ADAMTSL1: variants seen among roughly 807,000 people sequenced by gnomAD.
The protein encoded by ADAMTSL1 is ADAMTS-like protein 1.
In ADAMTSL1, 126 loss-of-function variants were observed where a neutral mutation model predicts 201.8. The ratio of observed to expected loss-of-function variants is 0.62; its 90% CI spans 0.54 to 0.72. The LOEUF (loss-of-function observed/expected upper bound fraction) is 0.72. Ranked by LOEUF, ADAMTSL1 falls within the 30% of genes least tolerant of loss-of-function variation. The pLI is 0.00. For missense variants in ADAMTSL1, 2,679 were observed against 2,277.8 expected, an observed-to-expected ratio of 1.18 and a Z score of -3.59; for synonymous variants, 1,121 against 903.4, an observed-to-expected ratio of 1.24 and a Z score of -4.32.
intron 2 of ADAMTSL1, among the ~76,000 whole-genome samples, chr9:18,421,909 A>C (rs1818970232): frequency 6.6e-6 from 1 of 152,240 alleles, no homozygotes; most frequent in African/African-American, 2.4e-5. Context: ...GGATTTAAGA[A>C]TGTAATATTT....
At chr9:17,930,981 A>G (rs766902962) in intron 1 of ADAMTSL1, among the ~76,000 whole-genome samples, 1 of 152,202 alleles carries the variant, frequency 6.6e-6, no homozygotes, top group Non-Finnish European at 1.5e-5. Flanking sequence ...CTTTCAACCA[A>G]TGTGCTATTT....
intron 3 of ADAMTSL1, among the ~76,000 whole-genome samples, chr9:18,562,772 C>A (rs1288771878): frequency 2.6e-5 from 4 of 152,194 alleles, no homozygotes; most frequent in Non-Finnish European, 2.9e-5. Flanking sequence ...AGATGATCTT[C>A]AATCTTTGAT....
chr9:18,313,219 T>C (rs931725241), intron 2 of ADAMTSL1, among the ~76,000 whole-genome samples: 2 of 152,192 alleles, frequency 1.3e-5, no homozygotes, highest in African/African-American at 4.8e-5. Flanking sequence ...CTGTTCGTCC[T>C]CCAGACAACT....
chr9:18,267,283 G>A (rs1832156254), intron 2 of ADAMTSL1, among the ~76,000 whole-genome samples: 1 of 152,110 alleles, frequency 6.6e-6, no homozygotes. Context: ...TTCATAGTAT[G>A]AGTATCAGCC....
chr9:18,699,933 C>G (rs1831823694), intron 13 of ADAMTSL1, among the ~76,000 whole-genome samples: 1 of 152,122 alleles, frequency 6.6e-6, no homozygotes, highest in Non-Finnish European at 1.5e-5. Context: ...AAAAATTTTG[C>G]TTAGAGACCT....
chr9:18,840,643 T>C (rs925778397), intron 23 of ADAMTSL1, among the ~76,000 whole-genome samples: 2 of 152,204 alleles, frequency 1.3e-5, no homozygotes, highest in African/African-American at 2.4e-5. Flanking sequence ...GACATTTTCA[T>C]GATATTGATT....
intron 1 of ADAMTSL1, among the ~76,000 whole-genome samples, chr9:17,934,390 G>A (rs1826918545): frequency 6.6e-6 from 1 of 152,010 alleles, no homozygotes; most frequent in Non-Finnish European, 1.5e-5. Context: ...TTCCCTCCTT[G>A]GCTAGCTAAA....
chr9:17,967,456 A>G (rs1031190826), intron 1 of ADAMTSL1, among the ~76,000 whole-genome samples: 5 of 152,156 alleles, frequency 3.3e-5, no homozygotes, highest in African/African-American at 1.2e-4. Context: ...TAGTAATACC[A>G]GCTAACATTC....
chr9:18,489,733 C>CT (rs1563992133), intron 1 of ADAMTSL1, among the ~76,000 whole-genome samples: 1 of 152,020 alleles, frequency 6.6e-6, no homozygotes, highest in Non-Finnish European at 1.5e-5. Flanking sequence ...GGTCATATTT[C>CT]CCACTGCTCT....
chr9:18,349,625 C>A (rs1835875559), intron 2 of ADAMTSL1, among the ~76,000 whole-genome samples: 1 of 152,088 alleles, frequency 6.6e-6, no homozygotes, highest in African/African-American at 2.4e-5. Flanking sequence ...TATTTGGTAT[C>A]CTTTTCTAGT....
At chr9:18,349,581 C>T (rs926727673) in intron 2 of ADAMTSL1, among the ~76,000 whole-genome samples, 3 of 152,152 alleles carry the variant, frequency 2.0e-5, no homozygotes, top group African/African-American at 2.4e-5. Flanking sequence ...GCATATAAAA[C>T]GGCCCCAGAG....
intron 1 of ADAMTSL1, among the ~76,000 whole-genome samples, chr9:17,987,218 A>C (rs1818964430): frequency 6.6e-6 from 1 of 152,080 alleles, no homozygotes; most frequent in Non-Finnish European, 1.5e-5. Context: ...AGGGCAGTGA[A>C]CACAACCTGG....
intron 4 of ADAMTSL1, among the ~76,000 whole-genome samples, chr9:18,620,015 A>ATTTTTTTTT (rs35177614): frequency 2.0e-5 from 2 of 101,260 alleles, no homozygotes; most frequent in African/African-American, 7.7e-5. Context: ...CAGTTTTCTG[A>ATTTTTTTTT]TTTTTTTTTT....
chr9:18,856,968 C>T (rs868835418), intron 23 of ADAMTSL1, among the ~76,000 whole-genome samples: 2 of 152,106 alleles, frequency 1.3e-5, no homozygotes, highest in East Asian at 3.9e-4. Context: ...TCTGAGCCAT[C>T]GGCAATTTCA....
chr9:17,982,249 C>T (rs971996854), intron 1 of ADAMTSL1, among the ~76,000 whole-genome samples: 1 of 152,246 alleles, frequency 6.6e-6, no homozygotes, highest in African/African-American at 2.4e-5. Flanking sequence ...AGCATTCAAT[C>T]AAATATCAAT....
chr9:18,568,211 C>T (rs10963640), intron 3 of ADAMTSL1, among the ~76,000 whole-genome samples: 460 of 151,332 alleles, frequency 3.0e-3, no homozygotes, highest in African/African-American at 0.011. Flanking sequence ...TTTTTTTTTC[C>T]GAGAACAAAA....
chr9:18,187,551 A>T (rs978170233), intron 2 of ADAMTSL1, among the ~76,000 whole-genome samples: 12 of 152,126 alleles, frequency 7.9e-5, no homozygotes, highest in Non-Finnish European at 1.5e-5. Flanking sequence ...AAATTTAAAT[A>T]TGTGTATACA....
chr9:18,371,723 T>C (rs1837050149), intron 2 of ADAMTSL1, among the ~76,000 whole-genome samples: 1 of 152,214 alleles, frequency 6.6e-6, no homozygotes, highest in African/African-American at 2.4e-5. Flanking sequence ...CATTTCACAA[T>C]CACAAATAAA....
intron 19 of ADAMTSL1, 94 bp downstream of exon 19, chr9:18,778,000 G>C: frequency 6.8e-7 from 1 of 1,475,718 alleles, no homozygotes; most frequent in South Asian, 1.4e-5. Context: ...GGTGTTTCCA[G>C]GGGTAGGGCT....
Sources: allele counts gnomAD v4.1 joint callset (sites outside exome capture counted in the v4.1 genomes callset), GRCh38; gene constraint gnomAD v4.1.1; transcripts MANE v1.5; gene names NCBI Gene and HGNC (gene_info 2026-07-23, HGNC 2026-07-21).